Variants in HSPA4L observed in about 807,000 individuals in gnomAD.
The protein encoded by HSPA4L is heat shock protein family A (Hsp70) member 4 like.
Under a neutral mutation model 100.3 loss-of-function variants are expected in HSPA4L, and 48 were observed. That is an observed-to-expected ratio of 0.48 (90% confidence interval 0.38 to 0.61). HSPA4L has a LOEUF of 0.61. Ranked by LOEUF, HSPA4L falls within the 20% of genes least tolerant of loss-of-function variation. The pLI, the probability that HSPA4L is intolerant of heterozygous loss-of-function variation, is 0.00. For missense variants in HSPA4L, 886 were observed against 988.6 expected (o/e 0.90, Z 1.39); for synonymous variants, 319 against 328.2 (o/e 0.97, Z 0.30).
At chr4:127,784,045 G>A (rs1023411741) in intron 1 of HSPA4L, among the ~76,000 whole-genome samples, 1 of 152,206 alleles carries the variant, frequency 6.6e-6, no homozygotes, top group Non-Finnish European at 1.5e-5. Context: ...TGCACAGTGA[G>A]AGGCCGAAAC....
At chr4:127,807,018 G>A (rs1439299802) in intron 10 of HSPA4L, among the ~76,000 whole-genome samples, 1 of 151,814 alleles carries the variant, frequency 6.6e-6, no homozygotes, top group African/African-American at 2.4e-5. Context: ...TCAGTTTCAA[G>A]GTATAAGTGA....
At chr4:127,814,387 A>C (rs1038928215) in intron 12 of HSPA4L, among the ~76,000 whole-genome samples, 2 of 152,176 alleles carry the variant, frequency 1.3e-5, no homozygotes, top group Non-Finnish European at 2.9e-5. Context: ...GTTGGTGAGC[A>C]CATTCATATA....
intron 12 of HSPA4L, among the ~76,000 whole-genome samples, chr4:127,814,432 A>C (rs898495470): frequency 6.6e-6 from 1 of 152,024 alleles, no homozygotes; most frequent in African/African-American, 2.4e-5. Flanking sequence ...TTTTTGAGCC[A>C]CCATGCCCAG....
Position 127,805,142 on chromosome 4 carries a change from A to T in HSPA4L, c.1055A>T (p.Glu352Val). ...GGATRIPAVK[E>V]QITKFFLKDI... ...GCAACACGAATTCCTGCAGTGAAAG[A>T]ACAAATCACTAAATTCTTTCTTAAA... Residue 352 changes from glutamate (E) to valine (V), a missense_variant, in exon 9 of 19, where the codon GAA (glutamate) becomes GTA (valine). Coordinates refer to ENST00000296464, the MANE Select transcript of HSPA4L (RefSeq NM_014278.4). 6.2e-7 allele frequency: 1 copy of T among 1,612,094 alleles called. No homozygotes were observed. Among genetic ancestry groups the T allele is most frequent in the Non-Finnish European group, 8.5e-7 (1 of 1,178,476 alleles).
chr4:127,798,830 TCTGA>T (rs1733095964), intron 4 of HSPA4L, 121 bp downstream of exon 4: 1 of 893,428 alleles, frequency 1.1e-6, no homozygotes, highest in Admixed American at 3.1e-5. Flanking sequence ...CCTAAATCCA[TCTGA>T]CTTTCTTTTT....
Position 127,798,553 on chromosome 4 carries a change from G to T in HSPA4L, c.307-34G>T, listed in dbSNP as rs1357084268. The T allele has an allele frequency of 4.4e-6, 7 of 1,607,706 alleles. No homozygotes were observed. In the South Asian group the frequency reaches 7.7e-5, roughly 18 times the overall value. ...CTGAATATTTGTTGGATAAACAAAT[G>T]ACTCTTAATAAATATCCCAACTTTT... On this transcript the variant is annotated intron_variant, in intron 3 of 18. Transcript: ENST00000296464.
At chr4:127,787,014 G>A (rs569155474) in intron 1 of HSPA4L, among the ~76,000 whole-genome samples, 1 of 152,190 alleles carries the variant, frequency 6.6e-6, no homozygotes, top group South Asian at 2.1e-4. Flanking sequence ...ATGAAACTGT[G>A]TCAAGATTTT....
chr4:127,809,150 A>T, intron 11 of HSPA4L: 1 of 813,040 alleles, frequency 1.2e-6, no homozygotes, highest in Non-Finnish European at 2.1e-6. Flanking sequence ...CACTGCACAT[A>T]ATTGAAACAA....
intron 14 of HSPA4L, 71 bp downstream of exon 14, chr4:127,820,636 T>A: frequency 6.9e-7 from 1 of 1,458,516 alleles, no homozygotes; most frequent in East Asian, 2.3e-5. Context: ...TCAATGATTA[T>A]CTCCAAAATT....
At chr4:127,821,521 A>G (rs1733814319) in intron 14 of HSPA4L, among the ~76,000 whole-genome samples, 1 of 152,148 alleles carries the variant, frequency 6.6e-6, no homozygotes, top group African/African-American at 2.4e-5. Context: ...ATAAACTAAC[A>G]TCTATAAATA....
In HSPA4L at chr4:127,839,468, G is replaced by A; in HGVS notation, c.*6594G>A. The stretch of plus-strand genomic sequence containing the variant: ...CTGGGTGTGGTGGTGTGTGCCTGTA[G>A]TCCCAGCTACTCGGGAGGCTGAGGC... On this transcript the variant is annotated 3_prime_UTR_variant, in exon 19 of 19. Coordinates refer to ENST00000296464, the MANE Select transcript of HSPA4L (RefSeq NM_014278.4). 6.6e-6 allele frequency: 1 copy of A among 152,210 alleles called. No individual in the cohort carries two copies. The highest frequency in any genetic ancestry group is 1.5e-5 in the Non-Finnish European group (1 of 68,098). 9.4% of individuals were successfully genotyped at this position (152,210 alleles called of 1,614,324 possible).
rs1365601749 is a variant in HSPA4L, at chr4:127,783,681, G to GTA, written c.107+1025_107+1026dup. The GTA allele has an allele frequency of 5.2e-6, 8 of 1,535,338 alleles. No homozygotes were observed. The South Asian group carries it at 9.5e-5, about 18-fold the overall frequency. On this transcript the variant is annotated intron_variant, in intron 1 of 18. Coordinates refer to ENST00000296464, the MANE Select transcript of HSPA4L (RefSeq NM_014278.4). The stretch of plus-strand genomic sequence containing the variant: ...AACCTATATTACTTTTTATGGAAAG[G>GTA]TAATTTGGCATCTTAATTTGACCGT...
At chr4:127,830,208 G>C (rs574993970) in intron 17 of HSPA4L, among the ~76,000 whole-genome samples, 1 of 152,044 alleles carries the variant, frequency 6.6e-6, no homozygotes, top group Non-Finnish European at 1.5e-5. Context: ...ACATGTGACA[G>C]CTGCAGTTTC....
chr4:127,782,864 A>G (rs779374846), intron 1 of HSPA4L, among the ~76,000 whole-genome samples: 12 of 151,676 alleles, frequency 7.9e-5, no homozygotes, highest in Non-Finnish European at 1.6e-4. Context: ...CTTTTCCTTC[A>G]AGGACGAGGG....
chr4:127,788,891 C>A (rs1187349186), intron 1 of HSPA4L, among the ~76,000 whole-genome samples: 2 of 152,202 alleles, frequency 1.3e-5, no homozygotes, highest in African/African-American at 4.8e-5. Flanking sequence ...ACTATTTGTT[C>A]AGCCTTTGAT....
rs1167042006 is a variant in HSPA4L at position 127,820,452 on chromosome 4, C to T, written c.1699C>T (p.Arg567Ter). 1.9e-6 allele frequency: 3 copies of T among 1,597,986 alleles called. No homozygotes were observed. The highest frequency in any genetic ancestry group is 1.1e-5 in the South Asian group (1 of 87,170). The change falls in exon 14 of 19, where the codon CGA (arginine) becomes TGA (stop). Residue 567 changes from arginine (R) to a stop codon, truncating the protein, a stop_gained. Transcript: ENST00000296464. LOFTEE classifies it high-confidence loss of function. Reference sequence around the variant, plus strand: ...GTCAGCTGTCTCAGACAAACAAGACCGATTAAATCAGACACTTAAAAAAGG... The same window carrying T: ...GTCAGCTGTCTCAGACAAACAAGACTGATTAAATCAGACACTTAAAAAAGG... Reference protein sequence around the residue: ...TKSAVSDKQDRLNQTLKKGKV... With the variant: ...TKSAVSDKQD
In HSPA4L at chr4:127,822,823, G is replaced by A. The variant is rs1378180098; in HGVS notation, c.1867G>A (p.Ala623Thr). ...LEKERNDAKN[A>T]VEEYVYDFRD... The stretch of plus-strand genomic sequence containing the variant: ...GAAAGAAAGAAATGATGCTAAGAAT[G>A]CCGTTGAAGAATATGTATATGATTT... Residue 623 changes from alanine (A) to threonine (T), a missense_variant, in exon 15 of 19, where the codon GCC becomes ACC. Coordinates refer to ENST00000296464, the MANE Select transcript of HSPA4L (RefSeq NM_014278.4). 5.6e-6 allele frequency: 9 copies of A among 1,613,470 alleles called. No homozygotes were observed. The highest frequency in any genetic ancestry group is 7.6e-6 in the Non-Finnish European group (9 of 1,179,594).
chr4:127,795,727 T>C, intron 2 of HSPA4L, 41 bp from the exon 3 acceptor site: 2 of 1,601,916 alleles, frequency 1.2e-6, no homozygotes, highest in East Asian at 2.2e-5. Flanking sequence ...TATTTTGCAT[T>C]TATTAGGTAA....
At chr4:127,815,305 C>G (rs759046265) in intron 12 of HSPA4L, among the ~76,000 whole-genome samples, 1 of 151,988 alleles carries the variant, frequency 6.6e-6, no homozygotes, top group African/African-American at 2.4e-5. Context: ...TAATTTAATA[C>G]AGGGGCATAT....
Sources: gnomAD v4.1 joint callset for allele counts (sites outside exome capture counted in the v4.1 genomes callset) on GRCh38, gnomAD v4.1.1 for gene constraint, MANE v1.5 for transcripts, NCBI Gene and HGNC (gene_info 2026-07-23, HGNC 2026-07-21) for gene names.